Variants in ANTXR1 observed in about 807,000 individuals in gnomAD.
The protein encoded by ANTXR1 is ANTXR cell adhesion molecule 1.
In ANTXR1, 19 loss-of-function variants were observed where a neutral mutation model predicts 78.1. The ratio of observed to expected loss-of-function variants is 0.24; its 90% CI spans 0.17 to 0.36. The LOEUF (loss-of-function observed/expected upper bound fraction) is 0.36. Ranked by LOEUF, ANTXR1 falls within the 10% of genes least tolerant of loss-of-function variation. The pLI, the probability that ANTXR1 is intolerant of heterozygous loss-of-function variation, is 1.00. For synonymous variants in ANTXR1, 273 were observed against 260.5 expected, an observed-to-expected ratio of 1.05 and a Z score of -0.46; for missense variants, 518 against 718.6, an observed-to-expected ratio of 0.72 and a Z score of 3.19.
intron 17 of ANTXR1, among the ~76,000 whole-genome samples, chr2:69,222,052 A>T (rs142070242): frequency 6.6e-6 from 1 of 152,330 alleles, no homozygotes; most frequent in Non-Finnish European, 1.5e-5. Flanking sequence ...TCACACCAGG[A>T]CACAGTGGTT....
At chr2:69,056,785 T>G (rs1257325963) in intron 3 of ANTXR1, among the ~76,000 whole-genome samples, 1 of 152,184 alleles carries the variant, frequency 6.6e-6, no homozygotes, top group East Asian at 1.9e-4. Flanking sequence ...GCAATTCTCA[T>G]GCCTCAGCCT....
At chr2:69,182,787 C>G in intron 16 of ANTXR1, 127 bp downstream of exon 16, 1 of 1,240,046 alleles carries the variant, frequency 8.1e-7, no homozygotes, top group Admixed American at 1.9e-5. Flanking sequence ...GAACAATTAT[C>G]TAAAATTATG....
At chr2:69,197,217 G>C (rs1480408535) in intron 17 of ANTXR1, among the ~76,000 whole-genome samples, 5 of 152,202 alleles carry the variant, frequency 3.3e-5, no homozygotes. Flanking sequence ...CAAACCAGTA[G>C]CACATCTGAT....
intron 9 of ANTXR1, among the ~76,000 whole-genome samples, chr2:69,099,185 A>G (rs1671528572): frequency 6.6e-6 from 1 of 152,218 alleles, no homozygotes; most frequent in South Asian, 2.1e-4. Context: ...GAATCTGGAC[A>G]TACCTTATAA....
At chr2:69,169,673 G>A (rs1366107881) in intron 13 of ANTXR1, among the ~76,000 whole-genome samples, 1 of 152,252 alleles carries the variant, frequency 6.6e-6, no homozygotes, top group Non-Finnish European at 1.5e-5. Context: ...CTAAGTGTCA[G>A]TGCCCTGAAA....
chr2:69,174,246 T>C (rs892265913), intron 14 of ANTXR1, among the ~76,000 whole-genome samples: 1 of 152,234 alleles, frequency 6.6e-6, no homozygotes, highest in African/African-American at 2.4e-5. Context: ...CCAATGTTTT[T>C]TGATATTTAA....
At chr2:69,244,388 G>T (rs574012234) in intron 17 of ANTXR1, among the ~76,000 whole-genome samples, 95 of 152,204 alleles carry the variant, frequency 6.2e-4, no homozygotes, top group Non-Finnish European at 1.2e-3. Flanking sequence ...AACAACTAAG[G>T]CTACCTGCAC....
chr2:69,243,869 G>A (rs185057476), intron 17 of ANTXR1, among the ~76,000 whole-genome samples: 8 of 152,312 alleles, frequency 5.3e-5, no homozygotes, highest in East Asian at 3.9e-4. Flanking sequence ...CACCTCAGCC[G>A]CTGTGGGGAG....
chr2:69,046,421 A>G (rs1410090859), intron 3 of ANTXR1, among the ~76,000 whole-genome samples: 1 of 152,182 alleles, frequency 6.6e-6, no homozygotes, highest in Non-Finnish European at 1.5e-5. Context: ...CTGGGAATCT[A>G]ATTTTTGTGT....
intron 12 of ANTXR1, among the ~76,000 whole-genome samples, chr2:69,151,008 A>G (rs1443812704): frequency 6.6e-6 from 1 of 152,190 alleles, no homozygotes; most frequent in Non-Finnish European, 1.5e-5. Context: ...CAAGTGACAG[A>G]GTGAGACCCT....
Position 69,234,666 on chromosome 2 carries a change from A to G in ANTXR1, c.1435-10559A>G, listed in dbSNP as rs541956972. Among the ~76,000 whole-genome samples the G allele has an allele frequency of 2.6e-5, 4 of 152,172 alleles. No homozygotes were observed. The East Asian group carries it at 7.7e-4, about 29-fold the overall frequency. On this transcript the variant is annotated intron_variant, in intron 17 of 17. Coordinates refer to ENST00000303714, the MANE Select transcript of ANTXR1 (RefSeq NM_032208.3). ...TAATCCCAGCTACTTGGGAGGCTGAAGCAGGAGAATCGCTTGAACCTGGGA... is the reference window on the plus strand; with the variant it reads ...TAATCCCAGCTACTTGGGAGGCTGAGGCAGGAGAATCGCTTGAACCTGGGA...
At chr2:69,049,547 T>G (rs1558742572) in intron 3 of ANTXR1, among the ~76,000 whole-genome samples, 1 of 152,126 alleles carries the variant, frequency 6.6e-6, no homozygotes, top group Non-Finnish European at 1.5e-5. Context: ...TGACCTCAAA[T>G]AATCCACCCA....
intron 10 of ANTXR1, among the ~76,000 whole-genome samples, chr2:69,122,189 T>C (rs905749569): frequency 2.6e-5 from 4 of 152,240 alleles, no homozygotes; most frequent in African/African-American, 4.8e-5. Flanking sequence ...TAGTATGCCC[T>C]GTCTTTGCTC....
At chr2:69,168,658 T>C (rs1311641882) in intron 13 of ANTXR1, among the ~76,000 whole-genome samples, 1 of 152,106 alleles carries the variant, frequency 6.6e-6, no homozygotes. Context: ...CACCCCTCCC[T>C]CCAGTTTCCA....
intron 12 of ANTXR1, among the ~76,000 whole-genome samples, chr2:69,138,102 AAAAAAAGAAAG>A (rs1672967388): frequency 6.6e-6 from 1 of 151,758 alleles, no homozygotes; most frequent in Non-Finnish European, 1.5e-5. Flanking sequence ...AAAGAAAAAA[AAAAAAAGAAAG>A]AAAAAAGAAA....
intron 17 of ANTXR1, among the ~76,000 whole-genome samples, chr2:69,201,034 C>G (rs549298475): frequency 6.6e-6 from 1 of 152,282 alleles, no homozygotes; most frequent in Admixed American, 6.5e-5. Context: ...TAGATGTCTT[C>G]TAAGAGCCAA....
intron 1 of ANTXR1, among the ~76,000 whole-genome samples, chr2:69,020,400 T>G (rs1671149937): frequency 8.8e-6 from 1 of 113,004 alleles, no homozygotes; most frequent in South Asian, 2.7e-4. Context: ...AAAACTGTTT[T>G]GTTTTGTTTT....
chr2:69,119,486 C>A (rs565327043), intron 10 of ANTXR1, among the ~76,000 whole-genome samples: 291 of 152,328 alleles, frequency 1.9e-3, no homozygotes, highest in African/African-American at 6.5e-3. Context: ...CACGCCTGTC[C>A]CCAGTTCAGT....
At chr2:69,228,244 T>C (rs1200091928) in intron 17 of ANTXR1, among the ~76,000 whole-genome samples, 1 of 152,068 alleles carries the variant, frequency 6.6e-6, no homozygotes. Context: ...CCAGGAAGGG[T>C]TGCTGCAGGG....
Sources: allele counts gnomAD v4.1 joint callset (sites outside exome capture counted in the v4.1 genomes callset), GRCh38; gene constraint gnomAD v4.1.1; transcripts MANE v1.5; gene names NCBI Gene and HGNC (gene_info 2026-07-23, HGNC 2026-07-21).